TBC1D4: variants seen among roughly 807,000 people sequenced by gnomAD.
TBC1D4 encodes TBC (Tre-2, BUB2, CDC16) domain-containing protein.
TBC1D4 carries 121 observed loss-of-function variants against 142.5 expected under a neutral mutation model. That is an observed-to-expected ratio of 0.85 (90% confidence interval 0.73 to 0.99). The LOEUF (loss-of-function observed/expected upper bound fraction) is 0.99. TBC1D4 is among the 50% of genes least tolerant of loss of function. TBC1D4 has a pLI of 0.00. For synonymous variants in TBC1D4, 630 were observed against 628.2 expected, an observed-to-expected ratio of 1.00 and a Z score of -0.04; for missense variants, 1,475 against 1,606.6, an observed-to-expected ratio of 0.92 and a Z score of 1.40.
In TBC1D4 at chr13:75,362,260, G is replaced by A. The variant is rs745538473; in HGVS notation, c.846C>T (p.Ala282=). ...DGTDTHLGLP[A]GASQPALTSS... is the part of the protein sequence containing the mutation. ...TGGTCAGGGCAGGCTGGCTGGCCCC[G>A]GCAGGTAAGCCAAGGTGGGTGTCGG... The change falls in exon 2 of 21, where the codon GCC becomes GCT. Residue 282 remains alanine, a synonymous_variant. Transcript: ENST00000377636. This position sits in a 1 kb window ranked among gnomAD's most constrained non-coding sequence, Gnocchi z 4.2. 5 of 1,613,706 alleles carry A rather than the reference G, an allele frequency of 3.1e-6. No individual in the cohort carries two copies. Among genetic ancestry groups the A allele is most frequent in the African/African-American group, 2.7e-5 (2 of 74,922 alleles).
chr13:75,290,612 C>A (rs1475104763), intron 19 of TBC1D4, among the ~76,000 whole-genome samples: 1 of 151,974 alleles, frequency 6.6e-6, no homozygotes, highest in East Asian at 1.9e-4. Flanking sequence ...GCTTACAGAG[C>A]ATTTTAACAA....
intron 5 of TBC1D4, among the ~76,000 whole-genome samples, chr13:75,344,539 A>T (rs117728609): frequency 0.011 from 1,713 of 152,258 alleles, 17 homozygotes; most frequent in South Asian, 0.025. Context: ...ATGTTAATGT[A>T]GGAAACCAAC....
At chr13:75,365,462 T>C (rs1333139464) in intron 1 of TBC1D4, among the ~76,000 whole-genome samples, 1 of 151,878 alleles carries the variant, frequency 6.6e-6, no homozygotes, top group Admixed American at 6.6e-5. Context: ...AAAATATCCA[T>C]AGCGGGGAAA....
In TBC1D4 at chr13:75,423,901, A is replaced by C. The variant is rs2138131317; in HGVS notation, c.498+57369T>G. On this transcript the variant is annotated intron_variant, in intron 1 of 20. Coordinates refer to ENST00000377636, the MANE Select transcript of TBC1D4 (RefSeq NM_014832.5). ...AGAAAAGAAGTTCTGGAGACTGCACAACAATGGAAACATACTTCACACTAC... is the reference window on the plus strand; with the variant it reads ...AGAAAAGAAGTTCTGGAGACTGCACCACAATGGAAACATACTTCACACTAC... Among the ~76,000 whole-genome samples the C allele has an allele frequency of 2.0e-5, 3 of 152,366 alleles. No homozygotes were observed. In the South Asian group the frequency reaches 6.2e-4, roughly 32 times the overall value.
chr13:75,343,500 A>C (rs1489532502), intron 5 of TBC1D4, among the ~76,000 whole-genome samples: 3 of 150,308 alleles, frequency 2.0e-5, no homozygotes, highest in Non-Finnish European at 4.4e-5. Flanking sequence ...ACTCACTATC[A>C]CAGTTTATTT....
At chr13:75,478,598 G>T (rs778746240) in intron 1 of TBC1D4, among the ~76,000 whole-genome samples, 1 of 152,072 alleles carries the variant, frequency 6.6e-6, no homozygotes, top group Non-Finnish European at 1.5e-5. Context: ...CAAACAGCAG[G>T]TCTTCCTTCT....
intron 1 of TBC1D4, among the ~76,000 whole-genome samples, chr13:75,396,418 T>TA (rs1322009900): frequency 2.0e-5 from 3 of 152,218 alleles, no homozygotes; most frequent in Non-Finnish European, 4.4e-5. Flanking sequence ...TGAAAAGTTT[T>TA]AAGTAATCCA....
At chr13:75,432,777 G>A (rs75653454) in intron 1 of TBC1D4, among the ~76,000 whole-genome samples, 2,969 of 151,944 alleles carry the variant, frequency 0.02, 100 homozygotes, top group African/African-American at 0.068. Flanking sequence ...AGCTGAGATC[G>A]AAGATTTCTC....
chr13:75,482,027 CT>C lies in TBC1D4; in HGVS notation c.-261del, dbSNP rs1888914159. 1 of 402,248 alleles carries C rather than the reference CT, an allele frequency of 2.5e-6. No individual in the cohort carries two copies. The highest frequency in any genetic ancestry group is 4.3e-6 in the Non-Finnish European group (1 of 234,912). 24.9% of individuals were successfully genotyped at this position (402,248 alleles called of 1,614,324 possible). ...GGCGGGTTAAATGGGCATCCTCCTCCTTGGGCTGGCGCCTCGGGCAGGACCT... is the reference window on the plus strand; with the variant it reads ...GGCGGGTTAAATGGGCATCCTCCTCCTGGGCTGGCGCCTCGGGCAGGACCT... On this transcript the variant is annotated 5_prime_UTR_variant, in exon 1 of 21. Coordinates refer to ENST00000377636, the MANE Select transcript of TBC1D4 (RefSeq NM_014832.5).
intron 1 of TBC1D4, among the ~76,000 whole-genome samples, chr13:75,459,176 G>C (rs1173854248): frequency 6.6e-6 from 1 of 152,154 alleles, no homozygotes; most frequent in African/African-American, 2.4e-5. Flanking sequence ...TACCAGCCTA[G>C]GGCAAGCAAT....
chr13:75,345,617 G>A (rs1437485446), intron 5 of TBC1D4, among the ~76,000 whole-genome samples: 1 of 151,954 alleles, frequency 6.6e-6, no homozygotes, highest in Non-Finnish European at 1.5e-5. Context: ...AACTGGCCGG[G>A]CACAGTGGCT....
intron 4 of TBC1D4, among the ~76,000 whole-genome samples, chr13:75,352,717 C>A (rs1037916971): frequency 6.6e-6 from 1 of 152,050 alleles, no homozygotes. Flanking sequence ...CCCTCCAGGC[C>A]CGTCAGAACA....
chr13:75,303,046 G>A (rs1313003281), intron 15 of TBC1D4, among the ~76,000 whole-genome samples: 5 of 152,164 alleles, frequency 3.3e-5, no homozygotes, highest in Non-Finnish European at 5.9e-5. Context: ...GGCCAGGTAC[G>A]GTGGCTCATG....
intron 19 of TBC1D4, among the ~76,000 whole-genome samples, chr13:75,291,255 G>T (rs1401174826): frequency 6.6e-6 from 1 of 152,152 alleles, no homozygotes; most frequent in Non-Finnish European, 1.5e-5. Context: ...ATCAGAAGGG[G>T]CAGGAGAAAA....
intron 1 of TBC1D4, among the ~76,000 whole-genome samples, chr13:75,453,662 G>A (rs146652762): frequency 1.3e-5 from 2 of 152,296 alleles, no homozygotes; most frequent in African/African-American, 4.8e-5. Flanking sequence ...AGGTGTTCAA[G>A]ACTAGCCTGG....
chr13:75,362,528 T>C lies in TBC1D4; in HGVS notation c.578A>G (p.Glu193Gly). ...CTTCTGAGAGTTGTAAAAGGCGTCC[T>C]CATTATCTTTGCTGGGTTTGGCATC... is the stretch of plus-strand genomic sequence containing the variant. Reference protein sequence around the residue: ...KEDAKPSKDNEDAFYNSQKFE... With the variant: ...KEDAKPSKDNGDAFYNSQKFE... Residue 193 changes from glutamate to glycine, a missense_variant, in exon 2 of 21, where the codon GAG becomes GGG. Transcript: ENST00000377636. The surrounding 1 kb of genome is among the most constrained non-coding windows in gnomAD (Gnocchi z 4.2). 1 of 1,614,258 alleles carries C rather than the reference T, an allele frequency of 6.2e-7. No individual in the cohort carries two copies. The highest frequency in any genetic ancestry group is 1.1e-5 in the South Asian group (1 of 91,086).
intron 1 of TBC1D4, among the ~76,000 whole-genome samples, chr13:75,455,717 C>T (rs1887705371): frequency 6.6e-6 from 1 of 152,094 alleles, no homozygotes; most frequent in African/African-American, 2.4e-5. Context: ...TTTACATTCT[C>T]ACTAACACTA....
chr13:75,296,463 C>A (rs189502962), intron 17 of TBC1D4, among the ~76,000 whole-genome samples: 1 of 152,276 alleles, frequency 6.6e-6, no homozygotes, highest in East Asian at 1.9e-4. Flanking sequence ...TAAAGAGAAT[C>A]TTATTTCCCA....
At chr13:75,408,883 CCATT>C (rs1885464338) in intron 1 of TBC1D4, among the ~76,000 whole-genome samples, 1 of 152,038 alleles carries the variant, frequency 6.6e-6, no homozygotes, top group Admixed American at 6.6e-5. Flanking sequence ...GGAAAAATAA[CCATT>C]CAAATACTTT....
Sources: allele counts gnomAD v4.1 joint callset (sites outside exome capture counted in the v4.1 genomes callset), GRCh38; gene constraint gnomAD v4.1.1; non-coding constraint Gnocchi (gnomAD v3.1); transcripts MANE v1.5; gene names NCBI Gene and HGNC (gene_info 2026-07-23, HGNC 2026-07-21).